ZMYM2: variants seen among roughly 807,000 people sequenced by gnomAD.
The protein encoded by ZMYM2 is zinc finger MYM-type protein 2.
ZMYM2 carries 56 observed loss-of-function variants against 162.8 expected under a neutral mutation model. That is an observed-to-expected ratio of 0.34 (90% confidence interval 0.28 to 0.43). The LOEUF is 0.43. Among genes scored for constraint, ZMYM2 ranks in the 20% least tolerant of loss-of-function variants. ZMYM2 has a pLI of 1.00. For missense variants in ZMYM2, 1,275 were observed against 1,621.8 expected, an observed-to-expected ratio of 0.79 and a Z score of 3.67; for synonymous variants, 510 against 541.6, an observed-to-expected ratio of 0.94 and a Z score of 0.81.
chr13:19,933,846 G>A, the ZMYM2 span, among the ~76,000 whole-genome samples: 2 of 152,170 alleles, frequency 1.3e-5, no homozygotes, highest in Admixed American at 6.6e-5. Context: ...GACAGAGTAA[G>A]TTTCTGGAGA....
At chr13:19,896,495 G>C in the ZMYM2 span, among the ~76,000 whole-genome samples, 1 of 150,392 alleles carries the variant, frequency 6.6e-6, no homozygotes, top group African/African-American at 2.5e-5. Context: ...GGTGGCTCAC[G>C]CCTGTAATCC....
the ZMYM2 span, among the ~76,000 whole-genome samples, chr13:19,875,361 G>A: frequency 7.9e-5 from 12 of 152,106 alleles, no homozygotes; most frequent in African/African-American, 2.4e-4. Flanking sequence ...TGGGCGCAGC[G>A]GCTCACACCT....
chr13:19,911,983 C>G, the ZMYM2 span, among the ~76,000 whole-genome samples: 1 of 152,214 alleles, frequency 6.6e-6, no homozygotes, highest in Non-Finnish European at 1.5e-5. Flanking sequence ...CTATTTGGCC[C>G]CTGTGCCAGA....
intron 3 of ZMYM2, among the ~76,000 whole-genome samples, chr13:19,996,399 A>C (rs1237451781): frequency 6.6e-6 from 1 of 152,020 alleles, no homozygotes; most frequent in Admixed American, 6.6e-5. Context: ...TCTGGGCAAC[A>C]GAGCAAGACC....
chr13:19,947,441 T>G, the ZMYM2 span, among the ~76,000 whole-genome samples: 2 of 137,758 alleles, frequency 1.5e-5, no homozygotes, highest in African/African-American at 2.6e-5. Context: ...TATCGCTTCT[T>G]CTTCTTCGTC....
At chr13:20,043,710 G>A (rs1423214432) in intron 12 of ZMYM2, among the ~76,000 whole-genome samples, 2 of 152,106 alleles carry the variant, frequency 1.3e-5, no homozygotes, top group African/African-American at 2.4e-5. Flanking sequence ...CAAGGTGGGG[G>A]TGAAGTGCAC....
chr13:19,993,927 G>A lies in ZMYM2; in HGVS notation c.847+8G>A. 6.3e-7 allele frequency: 1 copy of A among 1,599,624 alleles called. No homozygotes were observed. The highest frequency in any genetic ancestry group is 1.1e-5 in the South Asian group (1 of 88,002). ...CAACTCATCATAATCCTGGTAAGCA[G>A]TAAGAGATACTCTACTTCATGTAAA... On this transcript the variant is annotated splice_region_variant and intron_variant, in intron 3 of 24. Transcript: ENST00000610343.
intron 2 of ZMYM2, among the ~76,000 whole-genome samples, chr13:19,963,284 A>C (rs928268415): frequency 2.0e-5 from 3 of 152,226 alleles, no homozygotes; most frequent in Non-Finnish European, 4.4e-5. Context: ...TCCTTTAAAA[A>C]CACTTCAGTT....
At chr13:20,058,290 T>TA (rs1292672831) in intron 14 of ZMYM2, among the ~76,000 whole-genome samples, 1 of 152,240 alleles carries the variant, frequency 6.6e-6, no homozygotes, top group African/African-American at 2.4e-5. Context: ...ACTTAAAAGT[T>TA]AGATTGTCTT....
chr13:20,052,421 TGC>T, intron 14 of ZMYM2, 110 bp downstream of exon 14: 3 of 962,594 alleles, frequency 3.1e-6, no homozygotes, highest in African/African-American at 1.7e-5. Flanking sequence ...GTTTTTTTTT[TGC>T]TTTACTGAGA....
intron 12 of ZMYM2, among the ~76,000 whole-genome samples, 182 bp from the exon 13 acceptor site, chr13:20,051,250 AT>A (rs955291809): frequency 2.9e-4 from 6 of 20,932 alleles, no homozygotes; most frequent in African/African-American, 8.4e-4. Flanking sequence ...CAACTGTGAA[AT>A]TGTATTTTTT....
intron 16 of ZMYM2, 132 bp downstream of exon 16, chr13:20,059,694 TC>T (rs10706049): frequency 0.76 from 401,291 of 529,032 alleles, 138,613 homozygotes; most frequent in Admixed American, 0.83. Flanking sequence ...TTTTTTTTTT[TC>T]CCCAATAAAT....
the ZMYM2 span, among the ~76,000 whole-genome samples, chr13:19,911,042 GTC>G: frequency 8.5e-5 from 11 of 129,630 alleles, no homozygotes; most frequent in Non-Finnish European, 1.6e-4. Flanking sequence ...TCAGTTCCCA[GTC>G]TTTTTTTTTT....
chr13:19,873,305 C>A, the ZMYM2 span, among the ~76,000 whole-genome samples: 1 of 152,148 alleles, frequency 6.6e-6, no homozygotes, highest in African/African-American at 2.4e-5. Flanking sequence ...TCTGGAATGG[C>A]CCCTCGGCCT....
chr13:19,982,627 T>G (rs949959369), intron 2 of ZMYM2, among the ~76,000 whole-genome samples: 2 of 152,144 alleles, frequency 1.3e-5, no homozygotes, highest in African/African-American at 4.8e-5. Flanking sequence ...TAATTGCAGT[T>G]TTTGCCATTA....
intron 2 of ZMYM2, among the ~76,000 whole-genome samples, chr13:19,970,349 A>G (rs1427803435): frequency 6.6e-6 from 1 of 152,204 alleles, no homozygotes; most frequent in African/African-American, 2.4e-5. Flanking sequence ...ACCTTTCATT[A>G]GGGACTAAAA....
intron 21 of ZMYM2, chr13:20,070,285 A>T (rs540670173): frequency 1.2e-4 from 26 of 208,974 alleles, no homozygotes; most frequent in African/African-American, 5.8e-4. Flanking sequence ...GTTCGTTATC[A>T]ATCTGACTTT....
At chr13:19,953,193 G>A in the ZMYM2 span, among the ~76,000 whole-genome samples, 1 of 152,164 alleles carries the variant, frequency 6.6e-6, no homozygotes, top group Admixed American at 6.5e-5. Flanking sequence ...GTATTCTGTT[G>A]TAGAAGCACT....
chr13:19,912,970 G>A, the ZMYM2 span, among the ~76,000 whole-genome samples: 1 of 152,176 alleles, frequency 6.6e-6, no homozygotes, highest in South Asian at 2.1e-4. Context: ...GCATTTGGGT[G>A]TACTACTCCA....
Sources: gnomAD v4.1 joint callset for allele counts (sites outside exome capture counted in the v4.1 genomes callset) on GRCh38, gnomAD v4.1.1 for gene constraint, MANE v1.5 for transcripts, NCBI Gene and HGNC (gene_info 2026-07-23, HGNC 2026-07-21) for gene names.